Variants in ATP9B observed in about 807,000 individuals in gnomAD.
ATP9B encodes the protein ATPase phospholipid transporting 9B.
Under a neutral mutation model 146.1 loss-of-function variants are expected in ATP9B, and 110 were observed. The ratio of observed to expected loss-of-function variants is 0.75; its 90% confidence interval spans 0.65 to 0.88. The LOEUF is 0.88. ATP9B is among the 40% of genes least tolerant of loss of function. The pLI, the probability that ATP9B is intolerant of heterozygous loss-of-function variation, is 0.00. For missense variants in ATP9B, 1,499 were observed against 1,496.4 expected (o/e 1.00, Z -0.03); for synonymous variants, 604 against 569.7 (o/e 1.06, Z -0.86).
intron 26 of ATP9B, among the ~76,000 whole-genome samples, chr18:79,370,541 G>A (rs1023757917): frequency 3.9e-5 from 6 of 152,212 alleles, no homozygotes; most frequent in African/African-American, 7.2e-5. Context: ...GCTTCTATGA[G>A]TAACGTGTCT....
chr18:79,144,711 ACTGT>A (rs1389368677), intron 6 of ATP9B: 1 of 150,152 alleles, frequency 6.7e-6, no homozygotes, highest in Non-Finnish European at 1.5e-5. Context: ...AAATAGTTAT[ACTGT>A]CTTTTTTTAT....
chr18:79,273,595 G>A lies in ATP9B; in HGVS notation c.1269-3459G>A, dbSNP rs560259595. Among the ~76,000 whole-genome samples the A allele has an allele frequency of 7.2e-5, 11 of 152,332 alleles. No individual in the cohort carries two copies. In the East Asian group the frequency reaches 7.7e-4, roughly 11 times the overall value. The stretch of plus-strand genomic sequence containing the variant: ...ATTTCAGGTAGTTTCATTCCCTGAG[G>A]AGAATCTCGCGCGATTCTCAGACAA... On this transcript the variant is annotated intron_variant, in intron 12 of 29. Transcript: ENST00000426216.
In ATP9B at chr18:79,378,235, C is replaced by G. The variant is rs1312799648; in HGVS notation, c.*852C>G. The G allele has an allele frequency of 1.3e-5, 2 of 152,272 alleles. No individual in the cohort carries two copies. The highest frequency in any genetic ancestry group is 1.9e-4 in the East Asian group (1 of 5,192). 9.4% of individuals were successfully genotyped at this position (152,272 alleles called of 1,614,324 possible). A position where few individuals can be genotyped will look rare whatever the true frequency, so the allele number is the denominator to read the frequency against. ...TGAAGATACCCTCGCTTTATACTTG[C>G]ATTTCGCTTTTCAGTAAAAACAGTC... On this transcript the variant is annotated 3_prime_UTR_variant, in exon 30 of 30. Coordinates refer to ENST00000426216, the MANE Select transcript of ATP9B (RefSeq NM_198531.5).
intron 7 of ATP9B, among the ~76,000 whole-genome samples, chr18:79,175,299 C>T (rs534750229): frequency 6.1e-4 from 91 of 150,158 alleles, no homozygotes; most frequent in Admixed American, 1.1e-3. Flanking sequence ...ATGTTTTATA[C>T]GCTGCTTTTT....
chr18:79,084,552 T>C (rs559959717), intron 1 of ATP9B, among the ~76,000 whole-genome samples: 1 of 149,580 alleles, frequency 6.7e-6, no homozygotes, highest in Non-Finnish European at 1.5e-5. Flanking sequence ...AAAAAAAAAA[T>C]GTAAGCGTAT....
At chr18:79,108,209 G>A (rs925724054) in intron 2 of ATP9B, among the ~76,000 whole-genome samples, 6 of 152,136 alleles carry the variant, frequency 3.9e-5, no homozygotes, top group Non-Finnish European at 8.8e-5. Flanking sequence ...AGGGAAGGAG[G>A]CATGTGAGAG....
chr18:79,103,089 G>A (rs1321529516), intron 2 of ATP9B, among the ~76,000 whole-genome samples: 1 of 152,084 alleles, frequency 6.6e-6, no homozygotes, highest in Non-Finnish European at 1.5e-5. Context: ...CTTCCGTTAT[G>A]GTCTGTGTGC....
Position 79,253,395 on chromosome 18 carries a change from C to T in ATP9B, c.1122C>T (p.Asp374=). 1.9e-6 allele frequency: 3 copies of T among 1,608,898 alleles called. No individual in the cohort carries two copies. Among genetic ancestry groups the T allele is most frequent in the Non-Finnish European group, 2.5e-6 (3 of 1,178,660 alleles). Residue 374 remains aspartate, a synonymous_variant, in exon 12 of 30, where the codon GAC becomes GAT. Transcript: ENST00000426216. ...SNPKNKVGLL[D]LELNRLTKAL... is the part of the protein sequence containing the mutation. ...TTTTCTTTCAGGTTGGTTTGTTGGA[C>T]CTTGAACTCAATCGGCTGACGAAAG...
intron 5 of ATP9B, among the ~76,000 whole-genome samples, chr18:79,140,042 A>G (rs1299171854): frequency 6.6e-6 from 1 of 152,226 alleles, no homozygotes. Flanking sequence ...TTACAGGTAT[A>G]TATAAAATAT....
At chr18:79,283,041 T>G (rs1202614486) in intron 13 of ATP9B, among the ~76,000 whole-genome samples, 1 of 152,264 alleles carries the variant, frequency 6.6e-6, no homozygotes, top group East Asian at 1.9e-4. Flanking sequence ...AGTACCCTGG[T>G]GAAACCAGTG....
intron 1 of ATP9B, among the ~76,000 whole-genome samples, chr18:79,076,410 A>G (rs1275121221): frequency 6.6e-6 from 1 of 152,206 alleles, no homozygotes; most frequent in Non-Finnish European, 1.5e-5. Flanking sequence ...CCTGAAGGAT[A>G]ATTTCACCAG....
chr18:79,069,658 G>C (rs934638266), intron 1 of ATP9B, 129 bp downstream of exon 1: 6 of 559,788 alleles, frequency 1.1e-5, no homozygotes, highest in East Asian at 7.2e-5. Context: ...TGGGAGCCGG[G>C]AGTCCTTGGC....
Position 79,239,796 on chromosome 18 carries a change from G to C in ATP9B, c.1108-13585G>C, listed in dbSNP as rs1402732335. The stretch of plus-strand genomic sequence containing the variant: ...TTTTCTCGAGAGCATTGTTTTGTGA[G>C]GGCGGTTGATCATCAGTTAATTATT... On this transcript the variant is annotated intron_variant, in intron 11 of 29. Coordinates refer to ENST00000426216, the MANE Select transcript of ATP9B (RefSeq NM_198531.5). The surrounding 1 kb of genome is among the most constrained non-coding windows in gnomAD (Gnocchi z 5.1). 6.6e-6 allele frequency among the ~76,000 whole-genome samples: 1 copy of C among 152,194 alleles called. No homozygotes were observed. Among genetic ancestry groups the C allele is most frequent in the African/African-American group, 2.4e-5 (1 of 41,436 alleles).
At chr18:79,316,123 G>GT (rs773643749) in intron 15 of ATP9B, among the ~76,000 whole-genome samples, 6 of 152,146 alleles carry the variant, frequency 3.9e-5, no homozygotes, top group Non-Finnish European at 7.3e-5. Context: ...TACTCTGCCA[G>GT]TTTTTTATTG....
chr18:79,371,413 C>T (rs890249659), intron 26 of ATP9B, among the ~76,000 whole-genome samples: 14 of 146,968 alleles, frequency 9.5e-5, no homozygotes, highest in African/African-American at 3.5e-4. Flanking sequence ...AGTAGTGCTT[C>T]TTCGTCACAG....
chr18:79,090,002 A>G (rs1568150585), intron 1 of ATP9B, among the ~76,000 whole-genome samples: 3 of 152,142 alleles, frequency 2.0e-5, no homozygotes, highest in South Asian at 4.1e-4. Context: ...AAGCTCCCAC[A>G]TGTGAGTGAG....
At chr18:79,228,480 T>C (rs2095757153) in intron 11 of ATP9B, among the ~76,000 whole-genome samples, 1 of 152,128 alleles carries the variant, frequency 6.6e-6, no homozygotes, top group Non-Finnish European at 1.5e-5. Flanking sequence ...AACAAAATAA[T>C]CCCTGTTTAA....
At chr18:79,217,705 CAG>C (rs971694272) in intron 11 of ATP9B, among the ~76,000 whole-genome samples, 1 of 152,182 alleles carries the variant, frequency 6.6e-6, no homozygotes, top group Non-Finnish European at 1.5e-5. Flanking sequence ...GGTCTCTGAA[CAG>C]AGACGGAAAG....
chr18:79,178,570 A>G (rs1295796797), intron 8 of ATP9B, among the ~76,000 whole-genome samples: 2 of 152,072 alleles, frequency 1.3e-5, no homozygotes, highest in Non-Finnish European at 1.5e-5. Flanking sequence ...GAGAGGTTTT[A>G]TCATGAATGG....
Sources: allele counts gnomAD v4.1 joint callset (sites outside exome capture counted in the v4.1 genomes callset), GRCh38; gene constraint gnomAD v4.1.1; non-coding constraint Gnocchi (gnomAD v3.1); transcripts MANE v1.5; gene names NCBI Gene and HGNC (gene_info 2026-07-23, HGNC 2026-07-21).